The following OIT3 variants were observed in gnomAD, a reference collection of about 807,000 sequenced individuals.
OIT3 encodes the protein oncoprotein-induced transcript 3 protein.
In OIT3, 41 loss-of-function variants were observed where a neutral mutation model predicts 52.2. The observed-to-expected ratio is 0.79, with a 90% CI of 0.61 to 1.02. The LOEUF is 1.02. OIT3 is among the 50% of genes least tolerant of loss of function. The pLI, the probability that OIT3 is intolerant of heterozygous loss-of-function variation, is 0.00. For synonymous variants in OIT3, 244 were observed against 276.9 expected (o/e 0.88, Z 1.18); for missense variants, 634 against 715.5 (o/e 0.89, Z 1.30).
intron 6 of OIT3, chr10:72,918,675 G>A: frequency 1.7e-6 from 1 of 595,844 alleles, no homozygotes; most frequent in Non-Finnish European, 3.0e-6. Flanking sequence ...TTCGTATATG[G>A]TGTAAGGAAG....
At chr10:72,899,744 GAT>G (rs1845914404) in intron 2 of OIT3, among the ~76,000 whole-genome samples, 1 of 150,308 alleles carries the variant, frequency 6.7e-6, no homozygotes, top group African/African-American at 2.5e-5. Context: ...TAGATAGATA[GAT>G]AGATAGATAG....
chr10:72,915,348 T>G (rs1846063795), intron 6 of OIT3, among the ~76,000 whole-genome samples: 1 of 152,178 alleles, frequency 6.6e-6, no homozygotes, highest in East Asian at 1.9e-4. Context: ...TTCACAGTAG[T>G]TATGTTCTAC....
At chr10:72,921,174 C>T (rs1846117580) in intron 6 of OIT3, among the ~76,000 whole-genome samples, 1 of 152,092 alleles carries the variant, frequency 6.6e-6, no homozygotes, top group Non-Finnish European at 1.5e-5. Context: ...CATTATGTGA[C>T]ATTCTTCTTT....
intron 6 of OIT3, among the ~76,000 whole-genome samples, chr10:72,923,237 G>T (rs1846137011): frequency 6.6e-6 from 1 of 152,158 alleles, no homozygotes; most frequent in African/African-American, 2.4e-5. Context: ...GGTTTGCTGG[G>T]CATCTGCTCC....
intron 7 of OIT3, among the ~76,000 whole-genome samples, chr10:72,927,000 TTA>T (rs1564596860): frequency 6.6e-6 from 1 of 152,214 alleles, no homozygotes; most frequent in Non-Finnish European, 1.5e-5. Context: ...CCCCTGCCCC[TTA>T]TATTTAGTTT....
intron 7 of OIT3, among the ~76,000 whole-genome samples, chr10:72,926,082 C>A (rs1310587988): frequency 2.6e-5 from 4 of 152,210 alleles, no homozygotes; most frequent in Non-Finnish European, 5.9e-5. Context: ...TGGGCTTCTT[C>A]CTTGTTCTCC....
At chr10:72,914,448 A>T (rs1168198867) in intron 6 of OIT3, among the ~76,000 whole-genome samples, 1 of 152,170 alleles carries the variant, frequency 6.6e-6, no homozygotes, top group Non-Finnish European at 1.5e-5. Context: ...TATGACTCTA[A>T]ATGAAAATCA....
At chr10:72,903,908 G>A (rs546415392) in intron 3 of OIT3, among the ~76,000 whole-genome samples, 1 of 151,994 alleles carries the variant, frequency 6.6e-6, no homozygotes, top group Non-Finnish European at 1.5e-5. Context: ...TCCTAAGGGA[G>A]GAGACCACCC....
rs1333129412 is a variant in OIT3, at chr10:72,895,227, CCT to C, written c.61+1369_61+1370del. On this transcript the variant is annotated intron_variant, in intron 1 of 8. Coordinates refer to ENST00000334011, the MANE Select transcript of OIT3 (RefSeq NM_152635.3). ...TTGAGCTACCTGTCATTAATCACCC[CCT>C]ATCTGCTGCCAATAACTAACCCAAG... is the stretch of plus-strand genomic sequence containing the variant. Among the ~76,000 whole-genome samples, 10 of 152,284 alleles carry C rather than the reference CCT, an allele frequency of 6.6e-5. No homozygotes were observed. The East Asian group carries it at 1.4e-3, about 21-fold the overall frequency.
chr10:72,927,720 G>A (rs1467032311), intron 7 of OIT3, among the ~76,000 whole-genome samples: 1 of 152,118 alleles, frequency 6.6e-6, no homozygotes, highest in Non-Finnish European at 1.5e-5. Context: ...CTGCCAAAGG[G>A]AATTATTGAC....
In OIT3 at chr10:72,913,218, T is replaced by C. The variant is rs143866465; in HGVS notation, c.791-90T>C. On this transcript the variant is annotated intron_variant, in intron 5 of 8. Transcript: ENST00000334011. ...TTCCTTGGGGATGGAACAAAAAGCT[T>C]GGGTTGTGTGAGGGTGAAATTATTT... is the stretch of plus-strand genomic sequence containing the variant. 855 of 1,074,152 alleles carry C rather than the reference T, an allele frequency of 8.0e-4. 7 individuals carry two copies. In the African/African-American group the frequency reaches 0.012, roughly 15 times the overall value. 66.5% of individuals were successfully genotyped at this position (1,074,152 alleles called of 1,614,324 possible).
rs1304293060 is a variant in OIT3 at position 72,922,311 on chromosome 10, AC to A, written c.952-1914del. 2.7e-5 allele frequency among the ~76,000 whole-genome samples: 4 copies of A among 150,894 alleles called. No homozygotes were observed. The East Asian group carries it at 7.8e-4, about 30-fold the overall frequency. On this transcript the variant is annotated intron_variant, in intron 6 of 8. Transcript: ENST00000334011. ...TTTTATTCTCCCAGCTCTTTCAGGT[AC>A]CCCAATCAGTCATATATTCAGTCTC... is the stretch of plus-strand genomic sequence containing the variant.
rs1441531620 is a variant in OIT3, at chr10:72,893,751, C to G, written c.-48C>G. ...TGAAAGAGAAGGGGACAAAGGAACA[C>G]CAGTATTAAGAGGATTTTCCAGTGT... On this transcript the variant is annotated 5_prime_UTR_variant, in exon 1 of 9. Transcript: ENST00000334011. 1 of 1,516,504 alleles carries G rather than the reference C, an allele frequency of 6.6e-7. No individual in the cohort carries two copies. The highest frequency in any genetic ancestry group is 9.0e-7 in the Non-Finnish European group (1 of 1,110,350). 93.9% of individuals were successfully genotyped at this position (1,516,504 alleles called of 1,614,324 possible).
chr10:72,896,038 A>G (rs1413638146), intron 1 of OIT3, among the ~76,000 whole-genome samples: 2 of 152,116 alleles, frequency 1.3e-5, no homozygotes, highest in African/African-American at 4.8e-5. Flanking sequence ...TTAAAAATAT[A>G]TATGTATTAT....
intron 5 of OIT3, among the ~76,000 whole-genome samples, chr10:72,912,093 T>C (rs1415917768): frequency 6.6e-6 from 1 of 152,170 alleles, no homozygotes; most frequent in African/African-American, 2.4e-5. Context: ...GTTAGTTGTA[T>C]GACTAATACT....
chr10:72,924,637 C>A lies in OIT3; in HGVS notation c.1360C>A (p.Arg454=). ...IDEVLKYYLI[R]DGCVSDDSVK... ...CGAGGTCCTGAAATACTACCTCATC[C>A]GGGATGGGTAATGCTGCTGCAAGAA... Residue 454 remains arginine, a synonymous_variant, in exon 7 of 9, where the codon CGG becomes AGG. Transcript: ENST00000334011. The A allele has an allele frequency of 6.2e-7, 1 of 1,605,982 alleles. No individual in the cohort carries two copies. Among genetic ancestry groups the A allele is most frequent in the South Asian group, 1.1e-5 (1 of 90,038 alleles).
Position 72,913,943 on chromosome 10 carries a change from G to C in OIT3, c.951+475G>C, listed in dbSNP as rs190418640. ...GAAATGTATGAAATCCTGCCTTTTA[G>C]GAACTTGCACAGCAGAATTGAGATG... On this transcript the variant is annotated intron_variant, in intron 6 of 8. Transcript: ENST00000334011. 1.2e-4 allele frequency among the ~76,000 whole-genome samples: 18 copies of C among 152,350 alleles called. No individual in the cohort carries two copies. The East Asian group carries it at 3.5e-3, about 29-fold the overall frequency.
intron 6 of OIT3, among the ~76,000 whole-genome samples, chr10:72,920,293 T>A (rs1846110734): frequency 6.6e-6 from 1 of 152,240 alleles, no homozygotes; most frequent in African/African-American, 2.4e-5. Context: ...TTATCATTTC[T>A]GATTGTGTTT....
chr10:72,917,971 CA>C (rs1329463147), intron 6 of OIT3: 1 of 840,090 alleles, frequency 1.2e-6, no homozygotes, highest in African/African-American at 1.7e-5. Flanking sequence ...TCAGCTTCCT[CA>C]TTATCTTCAT....
Sources: gnomAD v4.1 joint callset for allele counts (sites outside exome capture counted in the v4.1 genomes callset) on GRCh38, gnomAD v4.1.1 for gene constraint, MANE v1.5 for transcripts, NCBI Gene and HGNC (gene_info 2026-07-23, HGNC 2026-07-21) for gene names.